The following ANK3 variants were observed in gnomAD, a reference collection of about 807,000 sequenced individuals.
The protein encoded by ANK3 is ankyrin 3, also known as ankyrin-3.
A neutral mutation model predicts 370.9 loss-of-function variants in ANK3; 57 were observed. That is an observed-to-expected ratio of 0.15 (90% CI 0.12 to 0.19). The LOEUF (loss-of-function observed/expected upper bound fraction) is 0.19, where lower values mean the gene tolerates loss of function less well. ANK3 is among the 10% of genes least tolerant of loss of function. The pLI is 1.00. For synonymous variants in ANK3, 1,929 were observed against 1,946.3 expected (o/e 0.99, Z 0.23); for missense variants, 4,439 against 5,302.1 (o/e 0.84, Z 5.06).
At chr10:60,465,709 A>T (rs2064994173) in intron 2 of ANK3, among the ~76,000 whole-genome samples, 1 of 152,154 alleles carries the variant, frequency 6.6e-6, no homozygotes, top group African/African-American at 2.4e-5. Flanking sequence ...AAATAAACTC[A>T]ATAGTAAAAC....
chr10:60,054,588 C>T (rs576274225), intron 42 of ANK3, among the ~76,000 whole-genome samples: 1 of 152,232 alleles, frequency 6.6e-6, no homozygotes, highest in African/African-American at 2.4e-5. Flanking sequence ...TGAAAATAGT[C>T]AGATATTGTC....
intron 1 of ANK3, among the ~76,000 whole-genome samples, chr10:60,302,722 CA>C (rs1033852730): frequency 9.1e-4 from 139 of 151,990 alleles, no homozygotes; most frequent in African/African-American, 3.3e-3. Flanking sequence ...TTTGAATTAG[CA>C]AAACAATTTT....
intron 2 of ANK3, among the ~76,000 whole-genome samples, chr10:60,511,696 T>C (rs1788971010): frequency 6.6e-6 from 1 of 151,898 alleles, no homozygotes; most frequent in Non-Finnish European, 1.5e-5. Context: ...CTCTATGGAA[T>C]ACTGAAAGGA....
At chr10:60,616,287 T>C (rs2078266991) in intron 1 of ANK3, among the ~76,000 whole-genome samples, 1 of 152,140 alleles carries the variant, frequency 6.6e-6, no homozygotes, top group Non-Finnish European at 1.5e-5. Context: ...AAACAGTAAA[T>C]GTAATAGCTT....
intron 4 of ANK3, among the ~76,000 whole-genome samples, chr10:60,270,771 C>T (rs1285108681): frequency 1.3e-5 from 2 of 152,122 alleles, no homozygotes; most frequent in Non-Finnish European, 2.9e-5. Context: ...CAAATAGCTT[C>T]AAAGTTACCA....
intron 2 of ANK3, among the ~76,000 whole-genome samples, chr10:60,464,350 T>C (rs1371009215): frequency 2.0e-5 from 3 of 152,204 alleles, no homozygotes; most frequent in Non-Finnish European, 4.4e-5. Context: ...AATTAACACA[T>C]ATCTTTTTCC....
At chr10:60,362,638 C>G (rs1047383056) in intron 1 of ANK3, among the ~76,000 whole-genome samples, 2 of 152,162 alleles carry the variant, frequency 1.3e-5, no homozygotes, top group African/African-American at 4.8e-5. Context: ...TGTCCAGGGA[C>G]AAGGATGGAA....
At chr10:60,163,041 C>A (rs2095536650) in intron 23 of ANK3, among the ~76,000 whole-genome samples, 1 of 152,088 alleles carries the variant, frequency 6.6e-6, no homozygotes, top group Admixed American at 6.6e-5. Context: ...GGAGGAGACG[C>A]CAAACTCAAT....
intron 41 of ANK3, among the ~76,000 whole-genome samples, chr10:60,058,680 G>T (rs116294378): frequency 6.6e-6 from 1 of 152,094 alleles, no homozygotes; most frequent in Non-Finnish European, 1.5e-5. Flanking sequence ...TTTTAATAAT[G>T]AGCATATTTA....
At chr10:60,391,542 G>A (rs1247096716), upstream of ANK3, among the ~76,000 whole-genome samples, 1 of 152,110 alleles carries the variant, frequency 6.6e-6, no homozygotes, top group Non-Finnish European at 1.5e-5. Context: ...TTTGAAAAAC[G>A]TTCATACAAT....
In ANK3 at chr10:60,073,528, A is replaced by C. The variant is rs149194409; in HGVS notation, c.7353T>G (p.Asp2451Glu). 2 of 1,613,960 alleles carry C rather than the reference A, an allele frequency of 1.2e-6. No individual in the cohort carries two copies. Among genetic ancestry groups the C allele is most frequent in the Admixed American group, 3.3e-5 (2 of 60,006 alleles). The change falls in exon 37 of 44, where the codon GAT (aspartate) becomes GAG (glutamate). Residue 2451 changes from aspartate to glutamate, a missense_variant. Around this residue, in one of 13 missense-constraint regions of ANK3, gnomAD observed 1,601 missense variants for 1,731.7 expected, o/e 0.92. Coordinates refer to ENST00000280772, the MANE Select transcript of ANK3 (RefSeq NM_020987.5). ...LSQHSIEYHD[D>E]ELSELRGESY... ...ACTCCCCTCTTAGTTCTGACAACTC[A>C]TCGTCATGGTATTCTATTGAGTGTT...
At chr10:60,144,752 A>C (rs1157362370) in intron 23 of ANK3, among the ~76,000 whole-genome samples, 1 of 152,196 alleles carries the variant, frequency 6.6e-6, no homozygotes, top group Non-Finnish European at 1.5e-5. Context: ...GATTATCAGG[A>C]CTGTGGTGGG....
At chr10:60,588,505 T>A (rs949585591) in intron 2 of ANK3, among the ~76,000 whole-genome samples, 2 of 151,934 alleles carry the variant, frequency 1.3e-5, no homozygotes, top group African/African-American at 4.8e-5. Flanking sequence ...TAATTATTAT[T>A]ATAATTATAC....
At chr10:60,200,323 T>TA in intron 12 of ANK3, 96 bp from the exon 13 acceptor site, 2 of 902,726 alleles carry the variant, frequency 2.2e-6, no homozygotes, top group South Asian at 1.4e-5. Context: ...TTTTCAAAAA[T>TA]AAAAAATAGT....
intron 17 of ANK3, among the ~76,000 whole-genome samples, chr10:60,185,654 C>G (rs1005920154): frequency 6.6e-6 from 1 of 152,188 alleles, no homozygotes; most frequent in Admixed American, 6.5e-5. Context: ...CCACACCCAG[C>G]AGGCAGAAGA....
Position 60,717,750 on chromosome 10 carries a change from A to G in ANK3, c.57+15513T>C, listed in dbSNP as rs1373785234. Among the ~76,000 whole-genome samples the G allele has an allele frequency of 2.6e-5, 4 of 152,330 alleles. No individual in the cohort carries two copies. In the East Asian group the frequency reaches 7.7e-4, roughly 29 times the overall value. ...AACTTCATTACCACTCATGAAAACT[A>G]TTTGTAATGAAAGGTTTGAAAGTTA... is the stretch of plus-strand genomic sequence containing the variant. On this transcript the variant is annotated intron_variant, in intron 1 of 43. Transcript: ENST00000373827.
chr10:60,667,552 T>C (rs544274160), intron 1 of ANK3, among the ~76,000 whole-genome samples: 15 of 151,874 alleles, frequency 9.9e-5, no homozygotes, highest in Non-Finnish European at 1.5e-4. Flanking sequence ...AAAGTCATCG[T>C]AGATATAGGA....
intron 1 of ANK3, among the ~76,000 whole-genome samples, chr10:60,375,664 C>T (rs374496632): frequency 1.3e-5 from 2 of 152,200 alleles, no homozygotes; most frequent in Non-Finnish European, 2.9e-5. Context: ...TCCTGCCCCA[C>T]GTTTAATGCC....
rs553715512 is a variant in ANK3, at chr10:60,728,723, T to A, written c.57+4540A>T. 2.0e-5 allele frequency among the ~76,000 whole-genome samples: 3 copies of A among 152,292 alleles called. No homozygotes were observed. In the East Asian group the frequency reaches 5.8e-4, roughly 29 times the overall value. The stretch of plus-strand genomic sequence containing the variant: ...ACTAGTTAGTTGGAGAACGGGGACT[T>A]CATTCCTTGACTCTTGGTTTTACTA... On this transcript the variant is annotated intron_variant, in intron 1 of 43. Transcript: ENST00000373827.
Sources: allele counts gnomAD v4.1 joint callset (sites outside exome capture counted in the v4.1 genomes callset), GRCh38; gene constraint gnomAD v4.1.1; regional missense constraint gnomAD v4.1.1; transcripts MANE v1.5; gene names NCBI Gene and HGNC (gene_info 2026-07-23, HGNC 2026-07-21).